Variants in RASGRF2 observed in about 807,000 individuals in gnomAD.
RASGRF2 encodes the protein Ras protein specific guanine nucleotide releasing factor 2.
In RASGRF2, 76 loss-of-function variants were observed where a neutral mutation model predicts 151.0. The ratio of observed to expected loss-of-function variants is 0.50; its 90% CI spans 0.42 to 0.61. The LOEUF (loss-of-function observed/expected upper bound fraction) is 0.61. Ranked by LOEUF, RASGRF2 falls within the 20% of genes least tolerant of loss-of-function variation. The pLI is 0.00. For missense variants in RASGRF2, 1,148 were observed against 1,564.6 expected, an observed-to-expected ratio of 0.73 and a Z score of 4.49; for synonymous variants, 504 against 566.5, an observed-to-expected ratio of 0.89 and a Z score of 1.57.
intron 2 of RASGRF2, among the ~76,000 whole-genome samples, chr5:81,057,840 CAA>C (rs1751277079): frequency 6.6e-6 from 1 of 151,738 alleles, no homozygotes; most frequent in Non-Finnish European, 1.5e-5. Flanking sequence ...ACAAAACAAT[CAA>C]AAAATTAGCC....
At chr5:81,148,382 C>T (rs1309718080) in intron 17 of RASGRF2, among the ~76,000 whole-genome samples, 1 of 152,162 alleles carries the variant, frequency 6.6e-6, no homozygotes, top group African/African-American at 2.4e-5. Flanking sequence ...CAGCCACTTC[C>T]TGCATATAAG....
chr5:81,057,414 C>T (rs1281780408), intron 2 of RASGRF2, among the ~76,000 whole-genome samples: 2 of 152,106 alleles, frequency 1.3e-5, no homozygotes, highest in Admixed American at 1.3e-4. Context: ...ATAATTTTTG[C>T]CCTTCTATAA....
At chr5:81,119,081 T>C (rs1218471684) in intron 15 of RASGRF2, among the ~76,000 whole-genome samples, 3 of 152,210 alleles carry the variant, frequency 2.0e-5, no homozygotes, top group Admixed American at 6.5e-5. Context: ...AGTAGCATCA[T>C]CCTTAACGCT....
intron 1 of RASGRF2, among the ~76,000 whole-genome samples, chr5:80,966,212 T>C (rs905293415): frequency 2.6e-5 from 4 of 152,104 alleles, no homozygotes; most frequent in African/African-American, 7.2e-5. Context: ...TTGCAGATTT[T>C]GATTTGTACA....
In RASGRF2 at chr5:81,113,752, A is replaced by AC; in HGVS notation, c.2304dup (p.Thr769HisfsTer40). 2 of 1,614,056 alleles carry AC rather than the reference A, an allele frequency of 1.2e-6. No homozygotes were observed. Among genetic ancestry groups the AC allele is most frequent in the Non-Finnish European group, 1.7e-6 (2 of 1,180,008 alleles). On this transcript the variant is annotated frameshift_variant, in exon 15 of 27. Coordinates refer to ENST00000265080, the MANE Select transcript of RASGRF2 (RefSeq NM_006909.3). LOFTEE classifies it high-confidence loss of function. ...CCTGACAACTTCCAGCAGTCCCACC[A>AC]CCACCACCCAGAGTCCCGCTGCGTC...
intron 15 of RASGRF2, among the ~76,000 whole-genome samples, chr5:81,116,835 A>G (rs1340629889): frequency 6.6e-6 from 1 of 152,230 alleles, no homozygotes; most frequent in African/African-American, 2.4e-5. Context: ...AATGTCCTCA[A>G]GGTTCAACCA....
intron 21 of RASGRF2, 54 bp downstream of exon 21, chr5:81,207,403 G>C: frequency 6.8e-7 from 1 of 1,462,952 alleles, no homozygotes; most frequent in Non-Finnish European, 9.6e-7. Flanking sequence ...TGTCTTAGAA[G>C]TTGACATTAT....
intron 1 of RASGRF2, among the ~76,000 whole-genome samples, chr5:81,028,961 T>A (rs892222586): frequency 3.3e-5 from 5 of 152,146 alleles, no homozygotes; most frequent in African/African-American, 4.8e-5. Context: ...AACACTGCGC[T>A]TTTCCAATGG....
chr5:80,974,201 A>G (rs962759782), intron 1 of RASGRF2, among the ~76,000 whole-genome samples: 3 of 152,232 alleles, frequency 2.0e-5, no homozygotes, highest in African/African-American at 7.2e-5. Context: ...CAGTTCGATC[A>G]GCAGCCATGA....
chr5:81,214,846 A>G (rs1755699778), intron 23 of RASGRF2, among the ~76,000 whole-genome samples: 1 of 152,262 alleles, frequency 6.6e-6, no homozygotes, highest in Admixed American at 6.5e-5. Flanking sequence ...GACCAATGTC[A>G]ACAACAATGT....
In RASGRF2 at chr5:81,186,888, G is replaced by A. The variant is rs956042665; in HGVS notation, c.2793+6607G>A. 3.3e-5 allele frequency among the ~76,000 whole-genome samples: 5 copies of A among 152,220 alleles called. No homozygotes were observed. In the East Asian group the frequency reaches 9.6e-4, roughly 29 times the overall value. On this transcript the variant is annotated intron_variant, in intron 18 of 26. Transcript: ENST00000265080. ...ATCCCTGCTCTGGCATTTACTGGCT[G>A]TGTCTGAGCAAACTATTTAGCTCCT... is the stretch of plus-strand genomic sequence containing the variant.
Position 81,112,661 on chromosome 5 carries a change from A to G in RASGRF2, c.1890A>G (p.Thr630=), listed in dbSNP as rs376460731. Residue 630 remains threonine (T), a synonymous_variant, in exon 14 of 27, where the codon ACA becomes ACG. Coordinates refer to ENST00000265080, the MANE Select transcript of RASGRF2 (RefSeq NM_006909.3). ...KDDTDICFSK[T]LNSCKVPQIR... Reference sequence around the variant, plus strand: ...ACACTGACATTTGCTTCAGTAAAACACTCAACTCCTGCAAAGTGCCCCAGA... The same window carrying G: ...ACACTGACATTTGCTTCAGTAAAACGCTCAACTCCTGCAAAGTGCCCCAGA... The G allele has an allele frequency of 1.6e-5, 26 of 1,614,056 alleles. No homozygotes were observed. The African/African-American group carries it at 3.2e-4, about 20-fold the overall frequency.
intron 17 of RASGRF2, among the ~76,000 whole-genome samples, chr5:81,168,204 C>T (rs1174465174): frequency 2.0e-5 from 3 of 152,010 alleles, no homozygotes; most frequent in Non-Finnish European, 4.4e-5. Flanking sequence ...TCCCTTTTCA[C>T]CTCCTTAAGA....
chr5:81,108,953 A>C, intron 12 of RASGRF2, 43 bp from the exon 13 acceptor site: 1 of 1,583,200 alleles, frequency 6.3e-7, no homozygotes, highest in Non-Finnish European at 8.6e-7. Context: ...TGATCTGCCT[A>C]GGCTTTCATG....
At chr5:81,035,316 C>T (rs1750445409) in intron 1 of RASGRF2, among the ~76,000 whole-genome samples, 1 of 152,114 alleles carries the variant, frequency 6.6e-6, no homozygotes, top group Admixed American at 6.5e-5. Flanking sequence ...TTTGCAGGGA[C>T]ATGGATGAAG....
chr5:81,122,703 A>G (rs912624350), intron 15 of RASGRF2, among the ~76,000 whole-genome samples: 2 of 152,200 alleles, frequency 1.3e-5, no homozygotes, highest in Admixed American at 1.3e-4. Flanking sequence ...GCCCAAGAAG[A>G]ATGGAAGAAT....
At chr5:80,981,608 C>T (rs1721089355) in intron 1 of RASGRF2, among the ~76,000 whole-genome samples, 1 of 152,090 alleles carries the variant, frequency 6.6e-6, no homozygotes, top group African/African-American at 2.4e-5. Context: ...CTCTGTCGCC[C>T]AGGTCGGAGT....
At chr5:81,042,801 T>C in intron 1 of RASGRF2, 76 bp from the exon 2 acceptor site, 1 of 1,004,110 alleles carries the variant, frequency 1.0e-6, no homozygotes, top group Non-Finnish European at 1.5e-6. Flanking sequence ...GTACCCTTTG[T>C]AGGCAGATAC....
intron 1 of RASGRF2, among the ~76,000 whole-genome samples, chr5:80,990,413 T>G (rs1748612867): frequency 6.6e-6 from 1 of 152,134 alleles, no homozygotes; most frequent in African/African-American, 2.4e-5. Flanking sequence ...AATACTCTTG[T>G]CATCCTCTTG....
Sources: allele counts gnomAD v4.1 joint callset (sites outside exome capture counted in the v4.1 genomes callset), GRCh38; gene constraint gnomAD v4.1.1; transcripts MANE v1.5; gene names NCBI Gene and HGNC (gene_info 2026-07-23, HGNC 2026-07-21).